The following CNTNAP2 variants were observed in gnomAD, a reference collection of about 807,000 sequenced individuals.
The protein encoded by CNTNAP2 is contactin-associated protein-like 2.
A neutral mutation model predicts 155.2 loss-of-function variants in CNTNAP2; 98 were observed. That is an observed-to-expected ratio of 0.63 (90% CI 0.54 to 0.75). The LOEUF is 0.75. CNTNAP2 is among the 30% of genes least tolerant of loss of function. CNTNAP2 has a pLI of 0.00. For missense variants in CNTNAP2, 1,727 were observed against 1,688.1 expected (o/e 1.02, Z -0.40); for synonymous variants, 651 against 631.2 (o/e 1.03, Z -0.47).
At chr7:146,558,132 G>A (rs1042363597) in intron 1 of CNTNAP2, among the ~76,000 whole-genome samples, 8 of 152,162 alleles carry the variant, frequency 5.3e-5, no homozygotes. Context: ...TCAGGCCAAA[G>A]CATCTTCTGG....
Position 147,307,745 on chromosome 7 carries a change from C to A in CNTNAP2, c.1498+7455C>A, listed in dbSNP as rs556166058. Among the ~76,000 whole-genome samples the A allele has an allele frequency of 2.6e-5, 4 of 152,286 alleles. No individual in the cohort carries two copies. In the South Asian group the frequency reaches 8.3e-4, roughly 32 times the overall value. Reference sequence around the variant, plus strand: ...TATCTTTTTTCTAGGCCTGCTTTTGCAAATGTTTTTGAATTCGCTTTGATG... The same window carrying A: ...TATCTTTTTTCTAGGCCTGCTTTTGAAAATGTTTTTGAATTCGCTTTGATG... On this transcript the variant is annotated intron_variant, in intron 9 of 23. Transcript: ENST00000361727.
At chr7:146,357,271 A>C (rs995841576) in intron 1 of CNTNAP2, among the ~76,000 whole-genome samples, 9 of 152,038 alleles carry the variant, frequency 5.9e-5, no homozygotes, top group Admixed American at 5.2e-4. Flanking sequence ...ACAAAATAAA[A>C]CATACCCCAC....
intron 13 of CNTNAP2, among the ~76,000 whole-genome samples, chr7:147,763,815 T>C (rs1232989843): frequency 6.6e-6 from 1 of 152,130 alleles, no homozygotes; most frequent in Non-Finnish European, 1.5e-5. Flanking sequence ...TTGAGAAGAA[T>C]ATTCTTGCTT....
intron 17 of CNTNAP2, among the ~76,000 whole-genome samples, chr7:148,171,529 A>G (rs758082219): frequency 6.6e-6 from 1 of 152,250 alleles, no homozygotes; most frequent in Non-Finnish European, 1.5e-5. Flanking sequence ...TAATATTTTC[A>G]TGCTCATGAA....
chr7:147,654,965 C>T (rs192191656), intron 13 of CNTNAP2, among the ~76,000 whole-genome samples: 3 of 149,280 alleles, frequency 2.0e-5, no homozygotes, highest in East Asian at 2.0e-4. Flanking sequence ...TACAGGTGCC[C>T]GTCACCATGC....
chr7:148,283,209 C>G (rs1797003404), intron 21 of CNTNAP2, among the ~76,000 whole-genome samples: 1 of 138,036 alleles, frequency 7.2e-6, no homozygotes, highest in Admixed American at 7.9e-5. Flanking sequence ...CCATTGCACT[C>G]CAGCCTGGGC....
chr7:147,532,732 C>G (rs925566521), intron 11 of CNTNAP2, among the ~76,000 whole-genome samples: 3 of 152,200 alleles, frequency 2.0e-5, no homozygotes, highest in Non-Finnish European at 2.9e-5. Context: ...AAAGACACTT[C>G]TTACGTGGCA....
intron 1 of CNTNAP2, among the ~76,000 whole-genome samples, chr7:146,434,968 G>T (rs749022892): frequency 5.3e-5 from 8 of 152,034 alleles, no homozygotes; most frequent in African/African-American, 1.9e-4. Flanking sequence ...AAACTTCAAT[G>T]CAAACTTTTC....
At chr7:146,201,063 G>A (rs1798852655) in intron 1 of CNTNAP2, among the ~76,000 whole-genome samples, 1 of 152,126 alleles carries the variant, frequency 6.6e-6, no homozygotes, top group African/African-American at 2.4e-5. Flanking sequence ...CATCAGATTT[G>A]TATTTCTGCA....
chr7:147,814,502 T>C (rs1185509466), intron 13 of CNTNAP2, among the ~76,000 whole-genome samples: 4 of 152,322 alleles, frequency 2.6e-5, no homozygotes, highest in Admixed American at 2.0e-4. Flanking sequence ...CATTCCTGAT[T>C]ACTCTCTCTG....
chr7:147,473,853 G>T (rs1037835667), intron 10 of CNTNAP2, among the ~76,000 whole-genome samples: 2 of 152,056 alleles, frequency 1.3e-5, no homozygotes, highest in African/African-American at 2.4e-5. Flanking sequence ...GCCAAGGCGG[G>T]CAGATCACCT....
At chr7:147,131,066 G>GTGTATATATA (rs1237506627) in intron 7 of CNTNAP2, among the ~76,000 whole-genome samples, 103 of 127,754 alleles carry the variant, frequency 8.1e-4, no homozygotes, top group Non-Finnish European at 1.3e-3. Context: ...GTATATATAT[G>GTGTATATATA]TGTGTATATA....
intron 8 of CNTNAP2, among the ~76,000 whole-genome samples, chr7:147,133,681 A>G (rs1483527276): frequency 2.6e-5 from 4 of 152,028 alleles, no homozygotes; most frequent in Non-Finnish European, 4.4e-5. Context: ...ATCCCCTGCT[A>G]TAGAACATAT....
intron 19 of CNTNAP2, 112 bp from the exon 20 acceptor site, chr7:148,229,529 GAAAGA>G (rs921301748): frequency 1.8e-5 from 25 of 1,371,024 alleles, no homozygotes; most frequent in African/African-American, 1.0e-4. Context: ...TCAAAAAAAA[GAAAGA>G]AAAGAAAAGA....
At chr7:147,742,905 G>T (rs531526249) in intron 13 of CNTNAP2, among the ~76,000 whole-genome samples, 5 of 152,262 alleles carry the variant, frequency 3.3e-5, no homozygotes, top group African/African-American at 1.2e-4. Context: ...TCCTCGATGT[G>T]GTCCCAATAC....
At chr7:147,746,025 TTCTC>T (rs1458318865) in intron 13 of CNTNAP2, among the ~76,000 whole-genome samples, 1 of 152,182 alleles carries the variant, frequency 6.6e-6, no homozygotes, top group Admixed American at 6.5e-5. Flanking sequence ...ATCATGCCCA[TTCTC>T]TGGGGAAACA....
chr7:146,606,365 T>C (rs149057319), intron 1 of CNTNAP2, among the ~76,000 whole-genome samples: 61 of 152,304 alleles, frequency 4.0e-4, no homozygotes, highest in Non-Finnish European at 7.8e-4. Flanking sequence ...TTAGTAGTCG[T>C]AGAATTTTAC....
rs1305415318 is a variant in CNTNAP2, at chr7:148,149,110, G to A, written c.2773+1401G>A. Reference sequence around the variant, plus strand: ...TGAACATGCTGGGTAGATTCTATCTGGTTTTCATCATAACAGGTGACCCTA... The same window carrying A: ...TGAACATGCTGGGTAGATTCTATCTAGTTTTCATCATAACAGGTGACCCTA... On this transcript the variant is annotated intron_variant, in intron 17 of 23. Transcript: ENST00000361727. Among the ~76,000 whole-genome samples the A allele has an allele frequency of 1.8e-4, 28 of 152,132 alleles. 1 individual carries two copies. Among genetic ancestry groups the A allele is most frequent in the Admixed American group, 1.8e-3 (28 of 15,256 alleles).
chr7:147,595,169 G>C lies in CNTNAP2; in HGVS notation c.1897+32912G>C, dbSNP rs574712465. On this transcript the variant is annotated intron_variant, in intron 12 of 23. Transcript: ENST00000361727. ...TAAGGATCATCTCCTTCAATAAAAA[G>C]AGCGTTGATGTCCTCATAAATTTTC... Among the ~76,000 whole-genome samples the C allele has an allele frequency of 3.0e-3, 459 of 152,206 alleles. 4 individuals carry two copies. The highest frequency in any genetic ancestry group is 5.4e-3 in the Non-Finnish European group (368 of 68,020).
Sources: gnomAD v4.1 joint callset for allele counts (sites outside exome capture counted in the v4.1 genomes callset) on GRCh38, gnomAD v4.1.1 for gene constraint, MANE v1.5 for transcripts, NCBI Gene and HGNC (gene_info 2026-07-23, HGNC 2026-07-21) for gene names.